Variants in LMBR1 observed in about 807,000 individuals in gnomAD.
LMBR1 encodes the protein limb development membrane protein 1.
Under a neutral mutation model 73.9 loss-of-function variants are expected in LMBR1, and 52 were observed. That is an observed-to-expected ratio of 0.70 (90% CI 0.56 to 0.89). The LOEUF is 0.89. LMBR1 is among the 40% of genes least tolerant of loss of function. The pLI, the probability that LMBR1 is intolerant of heterozygous loss-of-function variation, is 0.00. For missense variants in LMBR1, 539 were observed against 579.8 expected (o/e 0.93, Z 0.72); for synonymous variants, 215 against 209.4 (o/e 1.03, Z -0.23).
intron 1 of LMBR1, among the ~76,000 whole-genome samples, chr7:156,841,729 T>A (rs892607997): frequency 1.1e-4 from 17 of 152,080 alleles, no homozygotes; most frequent in Non-Finnish European, 2.1e-4. Context: ...AAGAGTTATC[T>A]TGATGGAGTA....
chr7:156,893,058 C>T lies in LMBR1; in HGVS notation c.-65G>A. 1 of 1,399,056 alleles carries T rather than the reference C, an allele frequency of 7.1e-7. No individual in the cohort carries two copies. Among genetic ancestry groups the T allele is most frequent in the African/African-American group, 1.5e-5 (1 of 66,906 alleles). The allele number at this position is 1,399,056 out of a possible 1,614,324, so 86.7% of individuals were successfully genotyped here. Reference sequence around the variant, plus strand: ...GCTCCGCCACACCATCGTCCGCCCGCCGCAGGGGCTCGGACAGCCGCGCCG... The same window carrying T: ...GCTCCGCCACACCATCGTCCGCCCGTCGCAGGGGCTCGGACAGCCGCGCCG... On this transcript the variant is annotated 5_prime_UTR_variant, in exon 1 of 17. Transcript: ENST00000353442.
rs116257411 is a variant in LMBR1 at position 156,769,366 on chromosome 7, G to A, written c.424-5571C>T. Among the ~76,000 whole-genome samples the A allele has an allele frequency of 7.0e-4, 107 of 152,242 alleles. No individual in the cohort carries two copies. Among genetic ancestry groups the A allele is most frequent in the African/African-American group, 2.4e-3 (101 of 41,552 alleles). ...GTCTTACAACAGGAGAGGAATGAAC[G>A]ACAGCCAAAGCACCATTCAGACTCA... On this transcript the variant is annotated intron_variant, in intron 5 of 16. Coordinates refer to ENST00000353442, the MANE Select transcript of LMBR1 (RefSeq NM_022458.4).
chr7:156,881,872 C>T (rs186876528), intron 1 of LMBR1, among the ~76,000 whole-genome samples: 174 of 151,488 alleles, frequency 1.1e-3, no homozygotes, highest in African/African-American at 4.1e-3. Context: ...CCCTTGCACA[C>T]TTGGTGAGAA....
At chr7:156,865,779 T>C (rs1798360140) in intron 1 of LMBR1, among the ~76,000 whole-genome samples, 1 of 152,280 alleles carries the variant, frequency 6.6e-6, no homozygotes, top group South Asian at 2.1e-4. Context: ...AACCCTTACA[T>C]TTATGGTCAA....
At chr7:156,890,261 C>G (rs1231860354) in intron 1 of LMBR1, among the ~76,000 whole-genome samples, 1 of 152,018 alleles carries the variant, frequency 6.6e-6, no homozygotes, top group Non-Finnish European at 1.5e-5. Flanking sequence ...AAGAAGAGAA[C>G]ATCAGTCTTA....
At chr7:156,856,273 G>A (rs1033970332) in intron 1 of LMBR1, among the ~76,000 whole-genome samples, 1 of 152,038 alleles carries the variant, frequency 6.6e-6, no homozygotes, top group African/African-American at 2.4e-5. Flanking sequence ...AAAACTGAAG[G>A]AATTTGTTGC....
chr7:156,767,975 G>A (rs1181899293), intron 5 of LMBR1, among the ~76,000 whole-genome samples: 1 of 152,072 alleles, frequency 6.6e-6, no homozygotes, highest in Non-Finnish European at 1.5e-5. Context: ...GGATAAAGTA[G>A]GACATTTCAT....
chr7:156,727,541 T>C (rs1816013489), intron 12 of LMBR1, among the ~76,000 whole-genome samples: 1 of 152,140 alleles, frequency 6.6e-6, no homozygotes, highest in Non-Finnish European at 1.5e-5. Flanking sequence ...CTTGTACTCA[T>C]GGAGAAGAGG....
At position 156,761,976 on chromosome 7, in the gene LMBR1, C is replaced by CA. The variant is rs552712592; in HGVS notation, c.684+157dup. ...TGGGCGACAGAGCAAGACTCTGTCTCAAAAAAAAAAAAAAAACTTAATAAA... is the reference window on the plus strand; with the variant it reads ...TGGGCGACAGAGCAAGACTCTGTCTCAAAAAAAAAAAAAAAAACTTAATAAA... On this transcript the variant is annotated intron_variant, in intron 8 of 16. Coordinates refer to ENST00000353442, the MANE Select transcript of LMBR1 (RefSeq NM_022458.4). Among the ~76,000 whole-genome samples, 25,012 of 104,058 alleles carry CA rather than the reference C, an allele frequency of 0.24. 2,756 individuals are homozygous for CA. The highest frequency in any genetic ancestry group is 0.4 in the East Asian group (1,548 of 3,890). 68.3% of individuals were successfully genotyped at this position (104,058 alleles called of 152,430 possible). A position where few individuals can be genotyped will look rare whatever the true frequency, so the allele number is the denominator to read the frequency against.
chr7:156,778,629 TTTG>T (rs889815491), intron 5 of LMBR1, among the ~76,000 whole-genome samples: 3 of 152,248 alleles, frequency 2.0e-5, no homozygotes, highest in Admixed American at 6.5e-5. Context: ...AGAAATTTCA[TTTG>T]TTAATTCAGC....
rs376130225 is a variant in LMBR1, at chr7:156,680,376, C to CAGAGAGAGAGAGAGAG, written c.*3686_*3701dup. 12 of 141,262 alleles carry CAGAGAGAGAGAGAGAG rather than the reference C, an allele frequency of 8.5e-5. No homozygotes were observed. Among genetic ancestry groups the CAGAGAGAGAGAGAGAG allele is most frequent in the African/African-American group, 1.1e-4 (4 of 35,430 alleles). The allele number at this position is 141,262 out of a possible 1,614,324, so 8.8% of individuals were successfully genotyped here. ...TTTTTGCTTATACGTATCTGAGAGACAGAGAGAGAGAGAGAGAGAGAGAGA... is the reference window on the plus strand; with the variant it reads ...TTTTTGCTTATACGTATCTGAGAGACAGAGAGAGAGAGAGAGAGAGAGAGAGAGAGAGAGAGAGAGA... On this transcript the variant is annotated 3_prime_UTR_variant, in exon 17 of 17. Transcript: ENST00000353442.
At chr7:156,805,073 A>G (rs1266784957) in intron 4 of LMBR1, among the ~76,000 whole-genome samples, 2 of 151,706 alleles carry the variant, frequency 1.3e-5, no homozygotes, top group Non-Finnish European at 1.5e-5. Context: ...TTCTAGCACC[A>G]TTTGTTTAAA....
chr7:156,796,074 C>A lies in LMBR1; in HGVS notation c.423+315G>T, dbSNP rs925123771. On this transcript the variant is annotated intron_variant, in intron 5 of 16. Coordinates refer to ENST00000353442, the MANE Select transcript of LMBR1 (RefSeq NM_022458.4). Reference sequence around the variant, plus strand: ...GAAAGGGGAGCCCATGGAAATAACACTTTACTGTCACCTTAAACTAAATAA... The same window carrying A: ...GAAAGGGGAGCCCATGGAAATAACAATTTACTGTCACCTTAAACTAAATAA... 5.9e-5 allele frequency among the ~76,000 whole-genome samples: 9 copies of A among 152,122 alleles called. No individual in the cohort carries two copies. The highest frequency in any genetic ancestry group is 1.3e-4 in the Non-Finnish European group (9 of 68,016).
chr7:156,730,676 C>T (rs565465041), intron 10 of LMBR1, among the ~76,000 whole-genome samples: 7 of 152,348 alleles, frequency 4.6e-5, no homozygotes, highest in South Asian at 4.1e-4. Flanking sequence ...CGGTGGCTCA[C>T]GCCTGTAATC....
rs1805507518 is a variant in LMBR1, at chr7:156,684,115, G to T, written c.1436C>A (p.Ala479Asp). ...CTGATGCCCATTTACAGAAGGCTTG[G>T]CTGTTTCTGAATCCCTTGAAGTATT... Reference protein sequence around the residue: ...LPNTSRDSETAKPSVNGHQKA... With the variant: ...LPNTSRDSETDKPSVNGHQKA... Residue 479 changes from alanine to aspartate, a missense_variant, in exon 17 of 17, where the codon GCC (alanine) becomes GAC (aspartate). Transcript: ENST00000353442. 2 of 1,613,960 alleles carry T rather than the reference G, an allele frequency of 1.2e-6. No individual in the cohort carries two copies. Among genetic ancestry groups the T allele is most frequent in the African/African-American group, 2.7e-5 (2 of 74,916 alleles).
intron 10 of LMBR1, among the ~76,000 whole-genome samples, chr7:156,733,050 T>A (rs1407897850): frequency 6.6e-6 from 1 of 151,964 alleles, no homozygotes; most frequent in Admixed American, 6.6e-5. Flanking sequence ...GAGGCTGAAG[T>A]GGGAGGATCA....
intron 4 of LMBR1, among the ~76,000 whole-genome samples, chr7:156,810,819 T>C (rs1563421721): frequency 6.6e-6 from 1 of 151,954 alleles, no homozygotes; most frequent in Non-Finnish European, 1.5e-5. Flanking sequence ...TTTTGTTTTT[T>C]GTTTTTTTAC....
intron 15 of LMBR1, among the ~76,000 whole-genome samples, chr7:156,720,537 A>C (rs1224882772): frequency 6.6e-6 from 1 of 152,094 alleles, no homozygotes; most frequent in Non-Finnish European, 1.5e-5. Context: ...TTTGGCACAA[A>C]ACATTTTTAA....
chr7:156,727,346 CTTGGGACTTGTTTTG>C (rs1331334211), intron 12 of LMBR1, among the ~76,000 whole-genome samples: 2 of 152,034 alleles, frequency 1.3e-5, no homozygotes, highest in Non-Finnish European at 2.9e-5. Context: ...TACTATAGGG[CTTGGGACTTGTTTTG>C]TTGGTATAGT....
Sources: gnomAD v4.1 joint callset for allele counts (sites outside exome capture counted in the v4.1 genomes callset) on GRCh38, gnomAD v4.1.1 for gene constraint, MANE v1.5 for transcripts, NCBI Gene and HGNC (gene_info 2026-07-23, HGNC 2026-07-21) for gene names.